SPDYE10: variants seen among roughly 807,000 people sequenced by gnomAD.
SPDYE10 encodes the protein speedy protein E10.
chr7:73,120,791 A>G, the SPDYE10 span, among the ~76,000 whole-genome samples: 5 of 151,336 alleles, frequency 3.3e-5, no homozygotes, highest in Non-Finnish European at 7.4e-5. Flanking sequence ...CTGTCTCAAA[A>G]AAAAAAAAAA....
At chr7:73,141,608 C>T in the SPDYE10 span, among the ~76,000 whole-genome samples, 2 of 130,432 alleles carry the variant, frequency 1.5e-5, no homozygotes, top group South Asian at 5.5e-4. Flanking sequence ...GAAATTGGGC[C>T]AGGCGCGGTG....
chr7:73,131,270 A>G, the SPDYE10 span, among the ~76,000 whole-genome samples: 2 of 144,144 alleles, frequency 1.4e-5, no homozygotes, highest in Non-Finnish European at 3.0e-5. Flanking sequence ...CAAGCAATGG[A>G]GAAATGGTGA....
chr7:73,154,933 G>C, the SPDYE10 span: 1 of 150,974 alleles, frequency 6.6e-6, no homozygotes, highest in Non-Finnish European at 1.5e-5. Flanking sequence ...CAAGTTGTTT[G>C]TTACAGCGAA....
the SPDYE10 span, among the ~76,000 whole-genome samples, chr7:73,113,721 G>A: frequency 2.5e-4 from 38 of 151,868 alleles, 1 homozygote; most frequent in African/African-American, 8.3e-4. Flanking sequence ...TGGTGAAACC[G>A]CATCTCTACT....
At chr7:73,116,444 G>GTTAT in the SPDYE10 span, among the ~76,000 whole-genome samples, 1 of 37,092 alleles carries the variant, frequency 2.7e-5, no homozygotes, top group Non-Finnish European at 5.0e-5. Flanking sequence ...CCTAGTTTTT[G>GTTAT]TTATTTATTT....
the SPDYE10 span, among the ~76,000 whole-genome samples, chr7:73,139,466 GC>G: frequency 3.9e-5 from 2 of 51,702 alleles, no homozygotes; most frequent in Non-Finnish European, 7.0e-5. Context: ...GGGATTACAG[GC>G]GCCCGCCACC....
chr7:73,131,516 C>A, the SPDYE10 span, among the ~76,000 whole-genome samples: 1 of 146,364 alleles, frequency 6.8e-6, no homozygotes, highest in East Asian at 1.9e-4. Context: ...TAGGGCTGTA[C>A]TTTGTGCTTT....
At chr7:73,127,082 CTTTT>C in the SPDYE10 span, among the ~76,000 whole-genome samples, 16 of 13,350 alleles carry the variant, frequency 1.2e-3, no homozygotes, top group Non-Finnish European at 1.8e-3. Flanking sequence ...CCACGCCTGG[CTTTT>C]TTTTTTTTTT....
chr7:73,113,916 C>G, the SPDYE10 span, among the ~76,000 whole-genome samples: 1 of 151,924 alleles, frequency 6.6e-6, no homozygotes, highest in East Asian at 1.9e-4. Context: ...TTCCCAGCTA[C>G]TCAGGAGGCT....
chr7:73,113,949 C>G, the SPDYE10 span, among the ~76,000 whole-genome samples: 6 of 151,716 alleles, frequency 4.0e-5, no homozygotes, highest in Admixed American at 2.6e-4. Context: ...TGGCGTGAAC[C>G]CAGGAGGCGG....
the SPDYE10 span, among the ~76,000 whole-genome samples, chr7:73,137,848 A>C: frequency 1.2e-5 from 1 of 83,598 alleles, no homozygotes; most frequent in Non-Finnish European, 2.4e-5. Context: ...GGGGAAGGAG[A>C]GGAGAAGGGG....
chr7:73,117,595 G>GCCACCC, the SPDYE10 span, among the ~76,000 whole-genome samples: 3 of 113,048 alleles, frequency 2.7e-5, no homozygotes, highest in Admixed American at 9.6e-5. Context: ...GACATATCTA[G>GCCACCC]GATTTGCTTT....
At chr7:73,104,529 T>C in the SPDYE10 span, 2 of 101,656 alleles carry the variant, frequency 2.0e-5, no homozygotes, top group South Asian at 3.2e-4. Context: ...TAAATAAATA[T>C]ATTTAATAAA....
chr7:73,142,702 T>G, the SPDYE10 span, among the ~76,000 whole-genome samples: 4,095 of 119,822 alleles, frequency 0.034, 15 homozygotes, highest in African/African-American at 0.1. Context: ...TTTGGGAAGC[T>G]GAGGTGGGTG....
At chr7:73,142,944 G>T in the SPDYE10 span, among the ~76,000 whole-genome samples, 27 of 138,256 alleles carry the variant, frequency 2.0e-4, no homozygotes, top group Admixed American at 9.6e-4. Context: ...AAAAAAAAGA[G>T]AGAGAGGGAG....
chr7:73,137,566 A>C, the SPDYE10 span, among the ~76,000 whole-genome samples: 2 of 147,850 alleles, frequency 1.4e-5, no homozygotes, highest in Non-Finnish European at 3.0e-5. Context: ...AAGAAAGAAG[A>C]GATGAAAGAA....
At chr7:73,154,802 C>A in the SPDYE10 span, 1 of 206,504 alleles carries the variant, frequency 4.8e-6, no homozygotes, top group Non-Finnish European at 1.0e-5. Flanking sequence ...GCCCCCGCGG[C>A]AGCAACAGCA....
chr7:73,114,482 G>A, the SPDYE10 span, among the ~76,000 whole-genome samples: 1 of 149,944 alleles, frequency 6.7e-6, no homozygotes, highest in South Asian at 2.1e-4. Context: ...TCATGACACT[G>A]ATCTTTTTGC....
At chr7:73,135,909 TTGTTC>T in the SPDYE10 span, among the ~76,000 whole-genome samples, 1 of 96,782 alleles carries the variant, frequency 1.0e-5, no homozygotes, top group African/African-American at 4.3e-5. Flanking sequence ...AGATAGAGTT[TTGTTC>T]TTGTTGCCCA....
Sources: allele counts gnomAD v4.1 joint callset (sites outside exome capture counted in the v4.1 genomes callset), GRCh38; gene constraint gnomAD v4.1.1; transcripts MANE v1.5; gene names NCBI Gene and HGNC (gene_info 2026-07-23, HGNC 2026-07-21).